The following EHHADH variants were observed in gnomAD, a reference collection of about 807,000 sequenced individuals.
The protein encoded by EHHADH is enoyl-CoA hydratase and 3-hydroxyacyl CoA dehydrogenase.
Under a neutral mutation model 64.4 loss-of-function variants are expected in EHHADH, and 48 were observed. That is an observed-to-expected ratio of 0.75 (90% CI 0.59 to 0.95). EHHADH has a LOEUF of 0.95. EHHADH is among the 40% of genes least tolerant of loss of function. The pLI is 0.00. For synonymous variants in EHHADH, 308 were observed against 326.7 expected (o/e 0.94, Z 0.62); for missense variants, 854 against 876.6 (o/e 0.97, Z 0.33).
intron 5 of EHHADH, among the ~76,000 whole-genome samples, chr3:185,209,310 G>A (rs1718477951): frequency 1.3e-5 from 2 of 152,034 alleles, no homozygotes; most frequent in Admixed American, 6.6e-5. Context: ...TTTTCCATAT[G>A]TATTATATAT....
intron 5 of EHHADH, among the ~76,000 whole-genome samples, chr3:185,214,496 T>G (rs180844818): frequency 7.9e-4 from 121 of 152,286 alleles, no homozygotes; most frequent in Admixed American, 1.6e-3. Context: ...TCCATTTTTT[T>G]GGGGGAGGGG....
At chr3:185,248,010 T>C (rs1209636931) in intron 2 of EHHADH, 1 of 160,538 alleles carries the variant, frequency 6.2e-6, no homozygotes, top group Non-Finnish European at 1.4e-5. Context: ...GGCTTTCAGA[T>C]ATGTTATCTC....
chr3:185,252,933 AT>A (rs1322662259), intron 1 of EHHADH, among the ~76,000 whole-genome samples: 1 of 152,074 alleles, frequency 6.6e-6, no homozygotes. Flanking sequence ...ACATATAATT[AT>A]TTTTTTAAGA....
intron 5 of EHHADH, among the ~76,000 whole-genome samples, chr3:185,214,427 AGT>A (rs1460534118): frequency 4.6e-5 from 7 of 152,196 alleles, no homozygotes; most frequent in Non-Finnish European, 1.0e-4. Context: ...CCTGACCTCC[AGT>A]CCTGAGCCCA....
intron 4 of EHHADH, among the ~76,000 whole-genome samples, chr3:185,224,796 A>G (rs944134756): frequency 2.0e-5 from 3 of 152,202 alleles, no homozygotes; most frequent in African/African-American, 7.2e-5. Context: ...CTCTCCTGCC[A>G]TCTTCAAAGC....
intron 2 of EHHADH, among the ~76,000 whole-genome samples, chr3:185,246,626 A>G (rs1034168162): frequency 2.6e-5 from 4 of 152,270 alleles, no homozygotes; most frequent in African/African-American, 9.6e-5. Context: ...ATCATTCTTT[A>G]TATGCATTGC....
At chr3:185,253,229 T>C (rs778553074) in intron 1 of EHHADH, 4 of 146,000 alleles carry the variant, frequency 2.7e-5, no homozygotes, top group Non-Finnish European at 6.0e-5. Flanking sequence ...AGTGGGACTT[T>C]TAACATTAAA....
chr3:185,221,152 C>T (rs925855613), intron 4 of EHHADH, among the ~76,000 whole-genome samples: 1 of 152,170 alleles, frequency 6.6e-6, no homozygotes, highest in Non-Finnish European at 1.5e-5. Flanking sequence ...TGGTTTCAGG[C>T]AATACTGCAA....
intron 6 of EHHADH, among the ~76,000 whole-genome samples, chr3:185,193,852 C>T (rs1467980231): frequency 1.3e-5 from 2 of 152,070 alleles, no homozygotes; most frequent in Admixed American, 6.5e-5. Context: ...GAATAATACA[C>T]AGGAAGAAAT....
In EHHADH at chr3:185,216,317, A is replaced by G. The variant is rs1718679821; in HGVS notation, c.568+1819T>C. ...CTAGGGAAATCACTTAAGGAAAAGAACTTCCTGTTGAAATTGAGACCTTTA... is the reference window on the plus strand; with the variant it reads ...CTAGGGAAATCACTTAAGGAAAAGAGCTTCCTGTTGAAATTGAGACCTTTA... On this transcript the variant is annotated intron_variant, in intron 5 of 6. Coordinates refer to ENST00000231887, the MANE Select transcript of EHHADH (RefSeq NM_001966.4). The surrounding 1 kb of genome is among the most constrained non-coding windows in gnomAD (Gnocchi z 5.3). 6.6e-6 allele frequency among the ~76,000 whole-genome samples: 1 copy of G among 152,216 alleles called. No homozygotes were observed. The highest frequency in any genetic ancestry group is 2.4e-5 in the African/African-American group (1 of 41,458).
intron 5 of EHHADH, among the ~76,000 whole-genome samples, chr3:185,206,079 A>G (rs551749690): frequency 2.0e-4 from 30 of 152,196 alleles, no homozygotes; most frequent in African/African-American, 7.0e-4. Flanking sequence ...TACGATCTCA[A>G]ACGTGGTTTA....
intron 2 of EHHADH, among the ~76,000 whole-genome samples, chr3:185,240,098 C>A (rs1719406656): frequency 6.6e-6 from 1 of 151,906 alleles, no homozygotes; most frequent in Non-Finnish European, 1.5e-5. Flanking sequence ...ATCCTAGAAA[C>A]CCTGCAATAA....
intron 3 of EHHADH, among the ~76,000 whole-genome samples, chr3:185,232,778 G>T (rs1285165568): frequency 2.0e-5 from 3 of 152,174 alleles, no homozygotes; most frequent in Non-Finnish European, 4.4e-5. Context: ...ATATTTACCA[G>T]AAGAGTAACA....
chr3:185,228,280 G>GGAGAGAGAGA (rs35818610), intron 4 of EHHADH, among the ~76,000 whole-genome samples: 3 of 95,574 alleles, frequency 3.1e-5, no homozygotes, highest in South Asian at 3.8e-4. Context: ...ATATATATAT[G>GGAGAGAGAGA]GAGAGAGAGA....
chr3:185,194,824 A>AAAAAAAAAAAAAAAAAAAAAAAC, intron 6 of EHHADH, among the ~76,000 whole-genome samples: 2 of 146,780 alleles, frequency 1.4e-5, no homozygotes, highest in Non-Finnish European at 3.0e-5. Flanking sequence ...AAAAAAAAAA[A>AAAAAAAAAAAAAAAAAAAAAAAC]AAAAGAAGCC....
At chr3:185,198,924 TA>T in intron 6 of EHHADH, among the ~76,000 whole-genome samples, 1 of 144,926 alleles carries the variant, frequency 6.9e-6, no homozygotes. Context: ...ACATTTCAAT[TA>T]AACTGTTATT....
intron 4 of EHHADH, among the ~76,000 whole-genome samples, chr3:185,220,016 T>C (rs932132706): frequency 4.6e-5 from 7 of 152,158 alleles, no homozygotes; most frequent in African/African-American, 1.7e-4. Flanking sequence ...AAGTATCCTG[T>C]GTATAAAATC....
Position 185,211,982 on chromosome 3 carries a change from G to A in EHHADH, c.568+6154C>T, listed in dbSNP as rs375629161. On this transcript the variant is annotated intron_variant, in intron 5 of 6. Coordinates refer to ENST00000231887, the MANE Select transcript of EHHADH (RefSeq NM_001966.4). ...CAGGGTTCATTACAGAAAGGAAAAC[G>A]GAGCATTAGGTTCCAGAGTTGACAC... is the stretch of plus-strand genomic sequence containing the variant. Among the ~76,000 whole-genome samples, 117 of 152,288 alleles carry A rather than the reference G, an allele frequency of 7.7e-4. No individual in the cohort carries two copies. In the South Asian group the frequency reaches 0.016, roughly 21 times the overall value.
At chr3:185,252,778 C>T (rs1402204369) in intron 1 of EHHADH, among the ~76,000 whole-genome samples, 1 of 151,796 alleles carries the variant, frequency 6.6e-6, no homozygotes, top group Non-Finnish European at 1.5e-5. Flanking sequence ...ATTAGCAGGT[C>T]TTCTCATTTC....
Sources: gnomAD v4.1 joint callset for allele counts (sites outside exome capture counted in the v4.1 genomes callset) on GRCh38, gnomAD v4.1.1 for gene constraint, Gnocchi (gnomAD v3.1) non-coding constraint, MANE v1.5 for transcripts, NCBI Gene and HGNC (gene_info 2026-07-23, HGNC 2026-07-21) for gene names.